Variants in GALNTL6 observed in about 807,000 individuals in gnomAD.
GALNTL6 encodes the protein polypeptide N-acetylgalactosaminyltransferase-like 6.
Under a neutral mutation model 73.7 loss-of-function variants are expected in GALNTL6, and 46 were observed. That is an observed-to-expected ratio of 0.62 (90% CI 0.49 to 0.80). The LOEUF is 0.80. Among genes scored for constraint, GALNTL6 ranks in the 30% least tolerant of loss-of-function variants. GALNTL6 has a pLI of 0.00. For synonymous variants in GALNTL6, 259 were observed against 263.7 expected, an observed-to-expected ratio of 0.98 and a Z score of 0.17; for missense variants, 604 against 755.0, an observed-to-expected ratio of 0.80 and a Z score of 2.34.
chr4:172,212,913 C>T (rs962217563), intron 2 of GALNTL6, among the ~76,000 whole-genome samples: 16 of 152,202 alleles, frequency 1.1e-4, no homozygotes, highest in East Asian at 1.9e-4. Context: ...TCAAGTGATC[C>T]GCCTACCTTG....
At chr4:172,965,819 A>T (rs1253230304) in intron 10 of GALNTL6, among the ~76,000 whole-genome samples, 1 of 152,126 alleles carries the variant, frequency 6.6e-6, no homozygotes, top group Non-Finnish European at 1.5e-5. Context: ...TTTATTTTAT[A>T]AACATATGTA....
chr4:172,087,002 C>G (rs984105426), intron 2 of GALNTL6, among the ~76,000 whole-genome samples: 10 of 152,184 alleles, frequency 6.6e-5, no homozygotes, highest in African/African-American at 2.4e-4. Flanking sequence ...TCTTCTGTCT[C>G]CTGCTACCTT....
intron 5 of GALNTL6, among the ~76,000 whole-genome samples, chr4:172,515,567 G>T (rs1734576139): frequency 6.6e-6 from 1 of 152,260 alleles, no homozygotes; most frequent in Non-Finnish European, 1.5e-5. Flanking sequence ...ATGCCCTAAA[G>T]ATCAATCCCC....
At chr4:172,495,695 G>A (rs1001574460) in intron 5 of GALNTL6, among the ~76,000 whole-genome samples, 1 of 152,192 alleles carries the variant, frequency 6.6e-6, no homozygotes, top group Non-Finnish European at 1.5e-5. Context: ...AATCATCAAT[G>A]TGTAGATGGG....
chr4:172,867,036 G>A (rs898436002), intron 7 of GALNTL6, among the ~76,000 whole-genome samples: 2 of 152,080 alleles, frequency 1.3e-5, no homozygotes, highest in Non-Finnish European at 2.9e-5. Context: ...ATGTAGAAGC[G>A]GTCCCTCATT....
chr4:171,841,144 C>G (rs1330364636), intron 2 of GALNTL6, among the ~76,000 whole-genome samples: 1 of 152,144 alleles, frequency 6.6e-6, no homozygotes, highest in Non-Finnish European at 1.5e-5. Flanking sequence ...GCTGACTTTC[C>G]TACTGTGTTA....
intron 3 of GALNTL6, among the ~76,000 whole-genome samples, chr4:172,300,596 T>C (rs1404644170): frequency 6.6e-6 from 1 of 152,170 alleles, no homozygotes; most frequent in African/African-American, 2.4e-5. Context: ...CATTTGCTTG[T>C]CTATAAAGGA....
At chr4:172,672,150 C>G (rs1321437980) in intron 5 of GALNTL6, among the ~76,000 whole-genome samples, 1 of 152,182 alleles carries the variant, frequency 6.6e-6, no homozygotes, top group Non-Finnish European at 1.5e-5. Flanking sequence ...CTTAGCCTCC[C>G]AAAGTGCTGG....
At chr4:172,956,693 C>T (rs1220250534) in intron 10 of GALNTL6, among the ~76,000 whole-genome samples, 2 of 152,188 alleles carry the variant, frequency 1.3e-5, no homozygotes, top group Non-Finnish European at 2.9e-5. Context: ...TATACAGGAG[C>T]TCAAATGGGC....
At chr4:172,159,836 G>A (rs1362795197) in intron 2 of GALNTL6, among the ~76,000 whole-genome samples, 4 of 152,160 alleles carry the variant, frequency 2.6e-5, no homozygotes, top group Admixed American at 2.0e-4. Context: ...GTAGATTGGA[G>A]GAAGGAAAGA....
In GALNTL6 at chr4:171,998,261, T is replaced by C. The variant is rs1379399595; in HGVS notation, c.138+183543T>C. On this transcript the variant is annotated intron_variant, in intron 2 of 12. Coordinates refer to ENST00000506823, the MANE Select transcript of GALNTL6 (RefSeq NM_001034845.3). ...ACAGAACCAACAGAATGTGTTTACATATAAAGAAAGAGAGATCTATTTTAA... is the reference window on the plus strand; with the variant it reads ...ACAGAACCAACAGAATGTGTTTACACATAAAGAAAGAGAGATCTATTTTAA... Among the ~76,000 whole-genome samples the C allele has an allele frequency of 4.6e-5, 7 of 152,252 alleles. No individual in the cohort carries two copies. The East Asian group carries it at 1.3e-3, about 29-fold the overall frequency.
At chr4:172,915,368 G>T (rs1235285248) in intron 8 of GALNTL6, among the ~76,000 whole-genome samples, 1 of 152,124 alleles carries the variant, frequency 6.6e-6, no homozygotes, top group East Asian at 1.9e-4. Flanking sequence ...AAATTCAAAA[G>T]CTAGCAGAAG....
chr4:172,336,658 G>T (rs1337285530), intron 4 of GALNTL6, among the ~76,000 whole-genome samples: 1 of 152,064 alleles, frequency 6.6e-6, no homozygotes, highest in African/African-American at 2.4e-5. Flanking sequence ...TTGCTTCATG[G>T]CAATGCATGT....
At chr4:172,303,095 G>T (rs1739999032) in intron 3 of GALNTL6, among the ~76,000 whole-genome samples, 1 of 152,110 alleles carries the variant, frequency 6.6e-6, no homozygotes, top group African/African-American at 2.4e-5. Context: ...TGCCGCCCAG[G>T]TTCAAGCGAT....
rs190239712 is a variant in GALNTL6 at position 172,369,992 on chromosome 4, C to T, written c.553+21303C>T. ...GCCGAGGCCAAGGAGGCGCCGAGAG[C>T]GAGCAAGTGCTGCTAGCATGTTGTC... On this transcript the variant is annotated intron_variant, in intron 5 of 12. Transcript: ENST00000506823. Among the ~76,000 whole-genome samples the T allele has an allele frequency of 1.6e-3, 239 of 152,288 alleles. 1 individual carries two copies. Among genetic ancestry groups the T allele is most frequent in the African/African-American group, 5.1e-3 (213 of 41,574 alleles).
chr4:172,625,578 T>C (rs1739135279), intron 5 of GALNTL6, among the ~76,000 whole-genome samples: 1 of 152,114 alleles, frequency 6.6e-6, no homozygotes, highest in Admixed American at 6.6e-5. Flanking sequence ...AGTTCTATTT[T>C]AAGTTATTTG....
At chr4:172,022,151 C>T (rs147537792) in intron 2 of GALNTL6, among the ~76,000 whole-genome samples, 104 of 152,070 alleles carry the variant, frequency 6.8e-4, no homozygotes, top group African/African-American at 2.2e-3. Flanking sequence ...AAGAGACAAC[C>T]TACAGACTGG....
chr4:171,849,103 G>T (rs1445756756), intron 2 of GALNTL6, among the ~76,000 whole-genome samples: 1 of 152,164 alleles, frequency 6.6e-6, no homozygotes, highest in African/African-American at 2.4e-5. Flanking sequence ...CCAGCTTGGG[G>T]CCTGTGGTGG....
intron 2 of GALNTL6, among the ~76,000 whole-genome samples, chr4:172,138,460 T>G (rs1309894855): frequency 9.2e-6 from 1 of 109,128 alleles, no homozygotes; most frequent in Admixed American, 1.0e-4. Context: ...CTAATTATAT[T>G]AATTTACTTG....
Sources: gnomAD v4.1 joint callset for allele counts (sites outside exome capture counted in the v4.1 genomes callset) on GRCh38, gnomAD v4.1.1 for gene constraint, MANE v1.5 for transcripts, NCBI Gene and HGNC (gene_info 2026-07-23, HGNC 2026-07-21) for gene names.